SYTL2: variants seen among roughly 807,000 people sequenced by gnomAD.
SYTL2 encodes the protein synaptotagmin like 2.
A neutral mutation model predicts 198.7 loss-of-function variants in SYTL2; 165 were observed. The ratio of observed to expected loss-of-function variants is 0.83; its 90% CI spans 0.73 to 0.94. The LOEUF (loss-of-function observed/expected upper bound fraction) is 0.94, where lower values mean the gene tolerates loss of function less well. Among genes scored for constraint, SYTL2 ranks in the 40% least tolerant of loss-of-function variants. The pLI is 0.00. For missense variants in SYTL2, 2,835 were observed against 2,582.8 expected (o/e 1.10, Z -2.12); for synonymous variants, 966 against 917.7 (o/e 1.05, Z -0.95).
intron 5 of SYTL2, 30 bp downstream of exon 5, chr11:85,737,545 C>G: frequency 6.4e-7 from 1 of 1,569,402 alleles, no homozygotes. Context: ...CTAACAAATA[C>G]AAGATTTTCA....
chr11:85,733,878 C>T (rs780705580), intron 7 of SYTL2, 61 bp downstream of exon 7: 3 of 1,402,266 alleles, frequency 2.1e-6, no homozygotes, highest in Non-Finnish European at 3.0e-6. Context: ...GGATTACAGG[C>T]GTGAGCCACC....
intron 1 of SYTL2, among the ~76,000 whole-genome samples, chr11:85,798,361 A>G (rs1222642471): frequency 1.3e-5 from 2 of 152,236 alleles, no homozygotes; most frequent in Non-Finnish European, 2.9e-5. Flanking sequence ...CCTTCTTCAC[A>G]TGCCTAAATA....
chr11:85,759,467 A>C (rs939208869), intron 1 of SYTL2, among the ~76,000 whole-genome samples: 2 of 152,172 alleles, frequency 1.3e-5, no homozygotes, highest in African/African-American at 4.8e-5. Flanking sequence ...GATGTCCCTC[A>C]CAGATTGTAA....
At chr11:85,730,305 G>C (rs1023989951) in intron 7 of SYTL2, among the ~76,000 whole-genome samples, 19 of 152,132 alleles carry the variant, frequency 1.2e-4, no homozygotes, top group Non-Finnish European at 8.8e-5. Context: ...GAAAATTTCA[G>C]ACCAATATCC....
the SYTL2 span, among the ~76,000 whole-genome samples, chr11:85,828,810 C>T: frequency 6.6e-6 from 1 of 152,166 alleles, no homozygotes; most frequent in African/African-American, 2.4e-5. Context: ...AGGGGTACAG[C>T]CAAGGCCTTG....
At chr11:85,741,070 G>C (rs2090749690) in intron 4 of SYTL2, among the ~76,000 whole-genome samples, 1 of 149,950 alleles carries the variant, frequency 6.7e-6, no homozygotes, top group African/African-American at 2.5e-5. Context: ...CTTTTTCTGA[G>C]GTTTTTTTTT....
At chr11:85,839,317 A>C in the SYTL2 span, among the ~76,000 whole-genome samples, 1 of 152,210 alleles carries the variant, frequency 6.6e-6, no homozygotes, top group Non-Finnish European at 1.5e-5. Flanking sequence ...ACTGTCTGCT[A>C]TCCCACAGTG....
At chr11:85,801,538 T>C (rs1465153805) in intron 1 of SYTL2, among the ~76,000 whole-genome samples, 5 of 152,198 alleles carry the variant, frequency 3.3e-5, no homozygotes, top group Non-Finnish European at 7.3e-5. Flanking sequence ...CAAAAAAGCT[T>C]TAATATATGT....
chr11:85,720,945 G>A lies in SYTL2; in HGVS notation c.5341C>T (p.Pro1781Ser), dbSNP rs780826446. The A allele has an allele frequency of 1.2e-6, 2 of 1,611,260 alleles. No individual in the cohort carries two copies. The highest frequency in any genetic ancestry group is 1.1e-5 in the South Asian group (1 of 91,006). ...TCCAAAGTTTTCAAAACAGGACTGG[G>A]TTCTTCTTCTGAACCTGTTATAAAA... ...WRNPSSSEEE[P>S]SPVLKTLERS... Residue 1781 changes from proline (P) to serine (S), a missense_variant, in exon 9 of 20, where the codon CCC (proline) becomes TCC (serine). This residue lies in a region of SYTL2 where 2,645 missense variants were observed against 2,381.7 expected (regional missense o/e 1.11). Coordinates refer to ENST00000359152, the MANE Select transcript of SYTL2 (RefSeq NM_206927.4).
At chr11:85,711,869 C>A (rs2086357253) in intron 12 of SYTL2, among the ~76,000 whole-genome samples, 1 of 151,852 alleles carries the variant, frequency 6.6e-6, no homozygotes, top group Non-Finnish European at 1.5e-5. Context: ...TACATTCTAC[C>A]CACATTAGAT....
chr11:85,763,350 T>C (rs2092149666), intron 1 of SYTL2, among the ~76,000 whole-genome samples: 1 of 152,212 alleles, frequency 6.6e-6, no homozygotes, highest in Non-Finnish European at 1.5e-5. Flanking sequence ...ACTAATACTC[T>C]TCTTGTCAAT....
At chr11:85,791,340 C>T (rs1042486788) in intron 1 of SYTL2, among the ~76,000 whole-genome samples, 7 of 152,056 alleles carry the variant, frequency 4.6e-5, no homozygotes, top group African/African-American at 1.4e-4. Flanking sequence ...GGTACAGCAC[C>T]TTAGCAACTA....
intron 12 of SYTL2, 82 bp from the exon 13 acceptor site, chr11:85,711,314 T>C: frequency 2.0e-6 from 3 of 1,477,434 alleles, no homozygotes; most frequent in Non-Finnish European, 2.8e-6. Flanking sequence ...AAAGATGAGA[T>C]TTTGGTATTC....
upstream of SYTL2, among the ~76,000 whole-genome samples, chr11:85,812,917 T>C (rs988243164): frequency 6.6e-6 from 1 of 152,190 alleles, no homozygotes; most frequent in Non-Finnish European, 1.5e-5. Context: ...TTATTGTTGA[T>C]TGCACCTGCC....
At position 85,739,371 on chromosome 11, in the gene SYTL2, CA is replaced by C. The variant is rs559668375; in HGVS notation, c.390-1716del. ...TCGGAAAGAAAAAGAGAGGAAGAAA[CA>C]AAACAGTCAGAACACATAGTCAGAC... On this transcript the variant is annotated intron_variant, in intron 4 of 19. Coordinates refer to ENST00000359152, the MANE Select transcript of SYTL2 (RefSeq NM_206927.4). Among the ~76,000 whole-genome samples, 149 of 145,380 alleles carry C rather than the reference CA, an allele frequency of 1.0e-3. 1 individual carries two copies. The highest frequency in any genetic ancestry group is 3.6e-3 in the African/African-American group (142 of 38,930).
intron 1 of SYTL2, among the ~76,000 whole-genome samples, chr11:85,808,963 A>T (rs746808109): frequency 2.6e-5 from 4 of 152,046 alleles, no homozygotes; most frequent in Admixed American, 2.0e-4. Flanking sequence ...ACAAGCAAAC[A>T]TATTTCCAGG....
intron 1 of SYTL2, among the ~76,000 whole-genome samples, chr11:85,762,335 C>T (rs926611691): frequency 2.0e-5 from 3 of 152,122 alleles, no homozygotes; most frequent in Middle Eastern, 3.2e-3. Flanking sequence ...GTGAATATAC[C>T]CATTGTTCAC....
chr11:85,754,225 A>C (rs1425341142), intron 2 of SYTL2, among the ~76,000 whole-genome samples: 1 of 152,214 alleles, frequency 6.6e-6, no homozygotes, highest in Non-Finnish European at 1.5e-5. Flanking sequence ...AAATGGATAA[A>C]GGTCATTAGA....
intron 1 of SYTL2, among the ~76,000 whole-genome samples, chr11:85,763,358 A>G (rs1327523537): frequency 6.6e-6 from 1 of 152,240 alleles, no homozygotes; most frequent in African/African-American, 2.4e-5. Context: ...TCTTCTTGTC[A>G]ATTGTCCAAA....
Sources: allele counts gnomAD v4.1 joint callset (sites outside exome capture counted in the v4.1 genomes callset), GRCh38; gene constraint gnomAD v4.1.1; regional missense constraint gnomAD v4.1.1; transcripts MANE v1.5; gene names NCBI Gene and HGNC (gene_info 2026-07-23, HGNC 2026-07-21).